MAP3K12: variants seen among roughly 807,000 people sequenced by gnomAD.
The protein encoded by MAP3K12 is MAPK-upstream kinase.
In MAP3K12, 14 loss-of-function variants were observed where a neutral mutation model predicts 87.5. That is an observed-to-expected ratio of 0.16 (90% CI 0.11 to 0.25). MAP3K12 has a LOEUF of 0.25. Among genes scored for constraint, MAP3K12 ranks in the 10% least tolerant of loss-of-function variants. The probability of loss-of-function intolerance (pLI) is 1.00; values close to 1 mark genes in which losing one functional copy is unlikely to be tolerated. For missense variants in MAP3K12, 802 were observed against 1,140.4 expected (o/e 0.70, Z 4.27); for synonymous variants, 469 against 452.5 (o/e 1.04, Z -0.46).
chr12:53,484,692 A>G (rs1268262759), intron 6 of MAP3K12: 2 of 442,950 alleles, frequency 4.5e-6, no homozygotes, highest in South Asian at 2.5e-5. Context: ...CCCTGGGTCT[A>G]GGTTCCAAAT....
chr12:53,491,394 A>C (rs1307377396), intron 1 of MAP3K12, among the ~76,000 whole-genome samples: 1 of 151,630 alleles, frequency 6.6e-6, no homozygotes, highest in African/African-American at 2.4e-5. Context: ...CAAAACTGTA[A>C]GCTGGGCATT....
chr12:53,498,237 G>A (rs888075250), intron 1 of MAP3K12, among the ~76,000 whole-genome samples: 2 of 152,168 alleles, frequency 1.3e-5, no homozygotes, highest in African/African-American at 4.8e-5. Flanking sequence ...AGGCTCAGGG[G>A]GCACTTGAGT....
In MAP3K12 at chr12:53,485,413, C is replaced by T. The variant is rs768842779; in HGVS notation, c.884G>A (p.Ser295Asn). ...AAAGGACATCTTGGTGCTCTTGTCACTCAGCTCCTTGGAAGTGCCAAAATC... is the reference window on the plus strand; with the variant it reads ...AAAGGACATCTTGGTGCTCTTGTCATTCAGCTCCTTGGAAGTGCCAAAATC... ...ISDFGTSKEL[S>N]DKSTKMSFAG... Residue 295 changes from serine (S) to asparagine (N), a missense_variant, in exon 5 of 14, where the codon AGT becomes AAT. Coordinates refer to ENST00000547488, the MANE Select transcript of MAP3K12 (RefSeq NM_001193511.2). 4 of 1,614,240 alleles carry T rather than the reference C, an allele frequency of 2.5e-6. No individual in the cohort carries two copies. Among genetic ancestry groups the T allele is most frequent in the East Asian group, 2.2e-5 (1 of 44,888 alleles).
At chr12:53,481,863 C>T in intron 13 of MAP3K12, 78 bp downstream of exon 13, 2 of 1,540,786 alleles carry the variant, frequency 1.3e-6, no homozygotes, top group Non-Finnish European at 1.8e-6. Flanking sequence ...GCTGTCTCCC[C>T]AAAAGCTGTT....
intron 5 of MAP3K12, 45 bp downstream of exon 5, chr12:53,485,272 C>G (rs1565886406): frequency 1.2e-6 from 2 of 1,604,352 alleles, no homozygotes; most frequent in South Asian, 2.2e-5. Context: ...ACAATCCCCC[C>G]AGGGCTGGCC....
chr12:53,501,285 C>G (rs1943687726), upstream of MAP3K12: 6 of 1,029,892 alleles, frequency 5.8e-6, no homozygotes, highest in Non-Finnish European at 7.2e-6. Context: ...CATATCCCAG[C>G]GTGCCCCGCG....
In MAP3K12 at chr12:53,486,452, T is replaced by C. The variant is rs1283108347; in HGVS notation, c.616A>G (p.Ile206Val). 4 of 1,613,990 alleles carry C rather than the reference T, an allele frequency of 2.5e-6. No individual in the cohort carries two copies. Among genetic ancestry groups the C allele is most frequent in the Non-Finnish European group, 2.5e-6 (3 of 1,180,002 alleles). Residue 206 changes from isoleucine (I) to valine (V), a missense_variant, in exon 3 of 14, where the codon ATC becomes GTC. This residue lies in a region of MAP3K12 where 57 missense variants were observed against 161.8 expected (regional missense o/e 0.35). Coordinates refer to ENST00000547488, the MANE Select transcript of MAP3K12 (RefSeq NM_001193511.2). This position sits in a 1 kb window ranked among gnomAD's most constrained non-coding sequence, Gnocchi z 4.9. ...KHLRKLKHPN[I>V]ITFKGVCTQA... is the part of the protein sequence containing the mutation. ...CCTGGACCTCACTTGAAAGTGATGA[T>C]GTTGGGGTGCTTCAGCTTTCGCAAG...
Position 53,487,241 on chromosome 12 carries a change from C to T in MAP3K12, c.151G>A (p.Asp51Asn), listed in dbSNP as rs769468540. ...DLTPTQCVLR[D>N]VVPLGGQGGG... is the part of the protein sequence containing the mutation. ...CCCTGCCCACCAAGGGGTACCACAT[C>T]TCGAAGTACACACTGGGTAGGCGTC... Residue 51 changes from aspartate to asparagine, a missense_variant, in exon 2 of 14, where the codon GAT (aspartate) becomes AAT (asparagine). Physicochemically the swap from Asp to Asn is conservative, Grantham distance 23 (BLOSUM62 1). Transcript: ENST00000547488. 1 of 1,613,650 alleles carries T rather than the reference C, an allele frequency of 6.2e-7. No individual in the cohort carries two copies. Among genetic ancestry groups the T allele is most frequent in the Non-Finnish European group, 8.5e-7 (1 of 1,179,848 alleles).
chr12:53,482,420 A>G (rs755769947), intron 11 of MAP3K12, 51 bp from the exon 12 acceptor site: 1 of 1,609,676 alleles, frequency 6.2e-7, no homozygotes, highest in South Asian at 1.1e-5. Flanking sequence ...GAAAGAGGTC[A>G]CTAAGAATCC....
At position 53,487,130 on chromosome 12, in the gene MAP3K12, C is replaced by T. The variant is rs1943248412; in HGVS notation, c.262G>A (p.Ala88Thr). Residue 88 changes from alanine to threonine, a missense_variant, in exon 2 of 14, where the codon GCA becomes ACA. By Grantham distance (58) the Ala-to-Thr change is moderately conservative. Around this residue, in one of 5 missense-constraint regions of MAP3K12, gnomAD observed 135 missense variants for 151.6 expected, o/e 0.89. Coordinates refer to ENST00000547488, the MANE Select transcript of MAP3K12 (RefSeq NM_001193511.2). Reference sequence around the variant, plus strand: ...CCAGCTGCTCCCCCTGGGCCCCCTGCATCCTGCTCATGTAGCTGCAGGACA... The same window carrying T: ...CCAGCTGCTCCCCCTGGGCCCCCTGTATCCTGCTCATGTAGCTGCAGGACA... ...NSVLQLHEQDAGGPGGAAGSP... is the reference protein window; with the variant it reads ...NSVLQLHEQDTGGPGGAAGSP... The T allele has an allele frequency of 1.9e-6, 3 of 1,614,066 alleles. No individual in the cohort carries two copies. Among genetic ancestry groups the T allele is most frequent in the South Asian group, 1.1e-5 (1 of 91,084 alleles).
rs752548824 is a variant in MAP3K12 at position 53,482,771 on chromosome 12, TTGG to T, written c.2029_2031del (p.Pro677del). The T allele has an allele frequency of 2.5e-5, 40 of 1,613,748 alleles. No homozygotes were observed. The South Asian group carries it at 4.0e-4, about 16-fold the overall frequency. On this transcript the variant is annotated inframe_deletion, in exon 11 of 14. Coordinates refer to ENST00000547488, the MANE Select transcript of MAP3K12 (RefSeq NM_001193511.2). Reference sequence around the variant, plus strand: ...GTGGAGCCAGGGGCTGAGCCCTCACTTGGTGGGGTGTCACCCCGGGCCGGAGGT... The same window carrying T: ...GTGGAGCCAGGGGCTGAGCCCTCACTTGGGGTGTCACCCCGGGCCGGAGGT...
intron 8 of MAP3K12, 71 bp downstream of exon 8, chr12:53,483,840 C>A: frequency 6.2e-7 from 1 of 1,608,188 alleles, no homozygotes; most frequent in Non-Finnish European, 8.5e-7. Context: ...CGCCCTGGGG[C>A]TGGGTAGGAG....
intron 4 of MAP3K12, 87 bp from the exon 5 acceptor site, chr12:53,485,562 G>GT: frequency 2.8e-6 from 4 of 1,439,338 alleles, no homozygotes; most frequent in Non-Finnish European, 3.8e-6. Context: ...AGGTTTTTTT[G>GT]TTTGTTTGTT....
At chr12:53,485,910 C>A in intron 4 of MAP3K12, 146 bp downstream of exon 4, 1 of 708,810 alleles carries the variant, frequency 1.4e-6, no homozygotes. Context: ...CTCACTACAG[C>A]CCTTCTGAGA....
intron 13 of MAP3K12, 187 bp downstream of exon 13, chr12:53,481,754 A>C (rs933383723): frequency 1.5e-6 from 1 of 658,208 alleles, no homozygotes; most frequent in Non-Finnish European, 2.5e-6. Flanking sequence ...GCTACATGCA[A>C]GCTACTGGTC....
At chr12:53,493,838 C>T (rs1213169007) in intron 1 of MAP3K12, 1 of 152,278 alleles carries the variant, frequency 6.6e-6, no homozygotes, top group Non-Finnish European at 1.5e-5. Context: ...CCCAGAGGCC[C>T]TTCTGGTATC....
At chr12:53,501,470 T>C, upstream of MAP3K12, 1 of 1,563,354 alleles carries the variant, frequency 6.4e-7, no homozygotes, top group South Asian at 1.2e-5. Flanking sequence ...AGGTGAGCCG[T>C]CTCGTACCGA....
intron 1 of MAP3K12, among the ~76,000 whole-genome samples, chr12:53,488,954 C>T (rs1052207046): frequency 6.6e-6 from 1 of 151,134 alleles, no homozygotes; most frequent in Admixed American, 6.6e-5. Flanking sequence ...GTGGTGGATG[C>T]CTGTAATCCC....
chr12:53,494,141 G>C (rs1402529988), intron 1 of MAP3K12, among the ~76,000 whole-genome samples: 1 of 152,210 alleles, frequency 6.6e-6, no homozygotes, highest in African/African-American at 2.4e-5. Flanking sequence ...CCAGAGCTTT[G>C]GAGGGGCGTC....
Sources: allele counts gnomAD v4.1 joint callset (sites outside exome capture counted in the v4.1 genomes callset), GRCh38; gene constraint gnomAD v4.1.1; regional missense constraint gnomAD v4.1.1; non-coding constraint Gnocchi (gnomAD v3.1); transcripts MANE v1.5; gene names NCBI Gene and HGNC (gene_info 2026-07-23, HGNC 2026-07-21).